The following NXPH1 variants were observed in gnomAD, a reference collection of about 807,000 sequenced individuals.
The protein encoded by NXPH1 is neurexophilin 1.
A neutral mutation model predicts 23.7 loss-of-function variants in NXPH1; 5 were observed. The ratio of observed to expected loss-of-function variants is 0.21; its 90% confidence interval spans 0.11 to 0.44. The LOEUF (loss-of-function observed/expected upper bound fraction) is 0.44. Ranked by LOEUF, NXPH1 falls within the 20% of genes least tolerant of loss-of-function variation. The pLI is 0.99. For missense variants in NXPH1, 324 were observed against 321.6 expected (o/e 1.01, Z -0.06); for synonymous variants, 144 against 122.2 (o/e 1.18, Z -1.18).
At position 8,688,363 on chromosome 7, in the gene NXPH1, TC is replaced by T. The variant is rs1490846964; in HGVS notation, c.55-62644del. On this transcript the variant is annotated intron_variant, in intron 2 of 2. Coordinates refer to ENST00000405863, the MANE Select transcript of NXPH1 (RefSeq NM_152745.3). ...AGTTAATTCAACATTGTAAATGTTATCTTCTATTATTTAATGTCCTGTAGTA... is the reference window on the plus strand; with the variant it reads ...AGTTAATTCAACATTGTAAATGTTATTTCTATTATTTAATGTCCTGTAGTA... Among the ~76,000 whole-genome samples, 4 of 152,336 alleles carry T rather than the reference TC, an allele frequency of 2.6e-5. No individual in the cohort carries two copies. The East Asian group carries it at 5.8e-4, about 22-fold the overall frequency.
intron 2 of NXPH1, among the ~76,000 whole-genome samples, chr7:8,489,902 C>T (rs979223597): frequency 1.1e-4 from 16 of 152,150 alleles, no homozygotes; most frequent in South Asian, 8.3e-4. Context: ...TGGTCTGATG[C>T]CCTGGTTCAA....
In NXPH1 at chr7:8,469,772, A is replaced by G. The variant is rs186685902; in HGVS notation, c.54+34005A>G. The stretch of plus-strand genomic sequence containing the variant: ...ATAGAAGTCTTCCATATGTATGATA[A>G]CTACCAAAGACTAGACATGCTGGGC... On this transcript the variant is annotated intron_variant, in intron 2 of 2. Transcript: ENST00000405863. Among the ~76,000 whole-genome samples the G allele has an allele frequency of 3.9e-5, 6 of 152,260 alleles. No individual in the cohort carries two copies. The East Asian group carries it at 1.2e-3, about 29-fold the overall frequency.
At chr7:8,739,170 G>GGAAA (rs200123331) in intron 2 of NXPH1, among the ~76,000 whole-genome samples, 1 of 55,610 alleles carries the variant, frequency 1.8e-5, no homozygotes, top group African/African-American at 9.1e-5. Flanking sequence ...CACCAGTGGG[G>GGAAA]TAAAAAAAAA....
At chr7:8,598,699 TG>T (rs1157042088) in intron 2 of NXPH1, among the ~76,000 whole-genome samples, 1 of 152,182 alleles carries the variant, frequency 6.6e-6, no homozygotes, top group Non-Finnish European at 1.5e-5. Flanking sequence ...AAAATGTACT[TG>T]TATCTCTGTT....
intron 2 of NXPH1, among the ~76,000 whole-genome samples, chr7:8,670,608 C>T (rs1296160069): frequency 6.6e-6 from 1 of 152,196 alleles, no homozygotes; most frequent in Admixed American, 6.5e-5. Flanking sequence ...ACTGTTTTAA[C>T]AGAAGTTATA....
At chr7:8,591,060 G>C (rs1819084443) in intron 2 of NXPH1, among the ~76,000 whole-genome samples, 1 of 152,070 alleles carries the variant, frequency 6.6e-6, no homozygotes, top group South Asian at 2.1e-4. Flanking sequence ...GCTTAGTTTA[G>C]AACAGCGTAA....
chr7:8,524,799 G>C (rs1002527892), intron 2 of NXPH1, among the ~76,000 whole-genome samples: 5 of 152,150 alleles, frequency 3.3e-5, no homozygotes, highest in African/African-American at 1.2e-4. Context: ...CACCATGTAA[G>C]ATGTGACTTT....
chr7:8,537,032 T>G (rs2128617985), intron 2 of NXPH1, among the ~76,000 whole-genome samples: 1 of 152,080 alleles, frequency 6.6e-6, no homozygotes, highest in South Asian at 2.1e-4. Flanking sequence ...GACTACAAAT[T>G]ACTGCATTTA....
chr7:8,613,179 C>T (rs2128629926), intron 2 of NXPH1, among the ~76,000 whole-genome samples: 2 of 151,902 alleles, frequency 1.3e-5, no homozygotes, highest in Middle Eastern at 3.4e-3. Context: ...TCATTATCTC[C>T]ATTACTTTCA....
intron 2 of NXPH1, among the ~76,000 whole-genome samples, chr7:8,719,890 A>C (rs1779937553): frequency 6.6e-6 from 1 of 152,228 alleles, no homozygotes; most frequent in Non-Finnish European, 1.5e-5. Context: ...GCTTATGTAC[A>C]TTCTAATTCT....
rs1344449978 is a variant in NXPH1 at position 8,588,773 on chromosome 7, TG to T, written c.54+153008del. Reference sequence around the variant, plus strand: ...AGCTGAGCAGCCACCCTCCTCTAATTGGTGCCAGATATATACATAAAACTAC... The same window carrying T: ...AGCTGAGCAGCCACCCTCCTCTAATTGTGCCAGATATATACATAAAACTAC... On this transcript the variant is annotated intron_variant, in intron 2 of 2. Coordinates refer to ENST00000405863, the MANE Select transcript of NXPH1 (RefSeq NM_152745.3). Among the ~76,000 whole-genome samples, 2 of 152,126 alleles carry T rather than the reference TG, an allele frequency of 1.3e-5. 1 individual carries two copies. Among genetic ancestry groups the T allele is most frequent in the Admixed American group, 1.3e-4 (2 of 15,266 alleles).
At chr7:8,736,224 G>A (rs888245386) in intron 2 of NXPH1, among the ~76,000 whole-genome samples, 3 of 152,108 alleles carry the variant, frequency 2.0e-5, no homozygotes, top group African/African-American at 7.2e-5. Flanking sequence ...TGATGTCAGG[G>A]TGTTGATTTT....
At chr7:8,735,496 C>A (rs997963302) in intron 2 of NXPH1, among the ~76,000 whole-genome samples, 1 of 152,170 alleles carries the variant, frequency 6.6e-6, no homozygotes, top group Non-Finnish European at 1.5e-5. Flanking sequence ...CCGACTTGAT[C>A]ATGGTGGATA....
intron 2 of NXPH1, among the ~76,000 whole-genome samples, chr7:8,514,489 A>G (rs756606090): frequency 2.5e-4 from 38 of 152,160 alleles, no homozygotes; most frequent in Admixed American, 5.2e-4. Context: ...CTTTTGCCCA[A>G]TGCATTGGAA....
intron 2 of NXPH1, among the ~76,000 whole-genome samples, chr7:8,663,554 A>T (rs1820712562): frequency 6.6e-6 from 1 of 152,128 alleles, no homozygotes; most frequent in Admixed American, 6.6e-5. Flanking sequence ...TCCAGATAAT[A>T]CTGTTTTAAG....
At chr7:8,491,741 G>C (rs1817251316) in intron 2 of NXPH1, among the ~76,000 whole-genome samples, 1 of 152,034 alleles carries the variant, frequency 6.6e-6, no homozygotes, top group South Asian at 2.1e-4. Flanking sequence ...TTCAAGTCTT[G>C]CTACCAGCTC....
chr7:8,703,887 A>G (rs80042924), intron 2 of NXPH1, among the ~76,000 whole-genome samples: 1 of 152,022 alleles, frequency 6.6e-6, no homozygotes. Flanking sequence ...GTACAAAGGG[A>G]TGTTTTTGTT....
chr7:8,574,859 A>G (rs1039024451), intron 2 of NXPH1, among the ~76,000 whole-genome samples: 1 of 152,176 alleles, frequency 6.6e-6, no homozygotes, highest in Non-Finnish European at 1.5e-5. Context: ...ACTGAGCATT[A>G]ACTTTTACTT....
chr7:8,629,643 T>C (rs1249990741), intron 2 of NXPH1, among the ~76,000 whole-genome samples: 2 of 152,136 alleles, frequency 1.3e-5, no homozygotes, highest in African/African-American at 4.8e-5. Context: ...CATAGTATTG[T>C]CTGTAAAGTA....
Sources: allele counts gnomAD v4.1 joint callset (sites outside exome capture counted in the v4.1 genomes callset), GRCh38; gene constraint gnomAD v4.1.1; transcripts MANE v1.5; gene names NCBI Gene and HGNC (gene_info 2026-07-23, HGNC 2026-07-21).